CIB4: variants seen among roughly 807,000 people sequenced by gnomAD.
CIB4 encodes the protein calcium and integrin binding family member 4, also known as calcium and integrin-binding family member 4.
Under a neutral mutation model 25.8 loss-of-function variants are expected in CIB4, and 25 were observed. The observed-to-expected ratio is 0.97, with a 90% CI of 0.71 to 1.35. The LOEUF is 1.35. CIB4 is among the 40% of genes most tolerant of loss of function. The probability of loss-of-function intolerance (pLI) is 0.00; values close to 1 mark genes in which losing one functional copy is unlikely to be tolerated. For missense variants in CIB4, 235 were observed against 228.2 expected (o/e 1.03, Z -0.19); for synonymous variants, 75 against 81.4 (o/e 0.92, Z 0.42).
intron 3 of CIB4, chr2:26,605,611 C>G (rs1668873551): frequency 2.1e-6 from 1 of 468,312 alleles, no homozygotes; most frequent in South Asian, 1.6e-5. Flanking sequence ...CCCTTCAGCA[C>G]TAGAGTATCT....
chr2:26,629,468 T>C lies in CIB4; in HGVS notation c.128A>G (p.Lys43Arg). 6.3e-7 allele frequency: 1 copy of C among 1,581,052 alleles called. No homozygotes were observed. The highest frequency in any genetic ancestry group is 1.2e-5 in the South Asian group (1 of 85,942). Residue 43 changes from lysine (K) to arginine (R), a missense_variant, in exon 3 of 7, where the codon AAG (lysine) becomes AGG (arginine). Transcript: ENST00000288861. ...DTFLKLCPPGKYYKEATLTMD... is the reference protein window; with the variant it reads ...DTFLKLCPPGRYYKEATLTMD... The stretch of plus-strand genomic sequence containing the variant: ...GGTGAGCGTTGCCTCCTTGTAGTAC[T>C]TCCCAGGAGGGCAGAGCTTCAGGAA...
At position 26,629,453 on chromosome 2, in the gene CIB4, G is replaced by C; in HGVS notation, c.143C>G (p.Ala48Gly). 6.3e-7 allele frequency: 1 copy of C among 1,582,982 alleles called. No individual in the cohort carries two copies. The highest frequency in any genetic ancestry group is 8.6e-7 in the Non-Finnish European group (1 of 1,164,296). ...GCTGACCTGGTCCATGGTGAGCGTT[G>C]CCTCCTTGTAGTACTTCCCAGGAGG... The part of the protein sequence containing the change: ...LCPPGKYYKE[A>G]TLTMDQVSSL... Residue 48 changes from alanine (A) to glycine (G), a missense_variant, in exon 3 of 7, where the codon GCA (alanine) becomes GGA (glycine). By Grantham distance (60) the Ala-to-Gly change is moderately conservative (BLOSUM62 0). Coordinates refer to ENST00000288861, the MANE Select transcript of CIB4 (RefSeq NM_001029881.3).
intron 4 of CIB4, among the ~76,000 whole-genome samples, chr2:26,585,376 G>C (rs571469429): frequency 6.6e-6 from 1 of 152,038 alleles, no homozygotes; most frequent in African/African-American, 2.4e-5. Context: ...GGCCTGGGTG[G>C]AGAAGCATCA....
chr2:26,593,587 T>C (rs975239170), intron 4 of CIB4, among the ~76,000 whole-genome samples: 5 of 152,216 alleles, frequency 3.3e-5, no homozygotes, highest in Admixed American at 2.0e-4. Context: ...TCAGTCAGTC[T>C]CCATTCTTGA....
At chr2:26,582,269 G>A (rs1668361437) in intron 6 of CIB4, among the ~76,000 whole-genome samples, 1 of 152,208 alleles carries the variant, frequency 6.6e-6, no homozygotes, top group Non-Finnish European at 1.5e-5. Flanking sequence ...GCCTCCAGGG[G>A]GCACGCATCT....
chr2:26,629,015 A>T (rs1406897693), intron 3 of CIB4, among the ~76,000 whole-genome samples: 1 of 152,156 alleles, frequency 6.6e-6, no homozygotes, highest in African/African-American at 2.4e-5. Context: ...GGTGGACTGC[A>T]AGCTGAAGCC....
chr2:26,633,973 T>C (rs755511755), intron 2 of CIB4, among the ~76,000 whole-genome samples: 1 of 152,188 alleles, frequency 6.6e-6, no homozygotes, highest in Non-Finnish European at 1.5e-5. Context: ...GACTCTAGTC[T>C]TTCGTGCCTC....
At chr2:26,616,485 C>T (rs757406746) in intron 3 of CIB4, among the ~76,000 whole-genome samples, 3 of 152,290 alleles carry the variant, frequency 2.0e-5, no homozygotes, top group South Asian at 2.1e-4. Context: ...CCCGCTGGGG[C>T]GTCTGGGCAC....
intron 3 of CIB4, among the ~76,000 whole-genome samples, chr2:26,608,846 AC>A (rs1668943153): frequency 6.6e-6 from 1 of 151,398 alleles, no homozygotes; most frequent in Non-Finnish European, 1.5e-5. Context: ...ATAGCACATC[AC>A]CCCCACCCCG....
chr2:26,636,274 A>T (rs1171052379), intron 2 of CIB4, among the ~76,000 whole-genome samples: 1 of 152,218 alleles, frequency 6.6e-6, no homozygotes, highest in Non-Finnish European at 1.5e-5. Flanking sequence ...GCTCAAGCTG[A>T]GTTCCCTAGT....
At position 26,640,639 on chromosome 2, in the gene CIB4, A is replaced by C. The variant is rs1669618126; in HGVS notation, c.55-72T>G. ...GCTGTGGCCCCTGGGGAGTGGCGCA[A>C]TTCAGAGGCTGGGGAGGAAATGCCC... On this transcript the variant is annotated intron_variant, in intron 1 of 6. Transcript: ENST00000288861. 2.0e-6 allele frequency: 3 copies of C among 1,480,478 alleles called. No individual in the cohort carries two copies. The Admixed American group carries it at 5.6e-5, about 27-fold the overall frequency. The allele number at this position is 1,480,478 out of a possible 1,614,324, so 91.7% of individuals were successfully genotyped here. A position where few individuals can be genotyped will look rare whatever the true frequency, so the allele number is the denominator to read the frequency against.
intron 4 of CIB4, among the ~76,000 whole-genome samples, chr2:26,593,339 TATATATAC>T (rs1208160994): frequency 2.6e-5 from 4 of 151,850 alleles, no homozygotes; most frequent in African/African-American, 4.8e-5. Flanking sequence ...TGTGTGTGTG[TATATATAC>T]ATATATACAT....
At chr2:26,634,522 C>G (rs1157342509) in intron 2 of CIB4, among the ~76,000 whole-genome samples, 1 of 152,228 alleles carries the variant, frequency 6.6e-6, no homozygotes, top group Non-Finnish European at 1.5e-5. Flanking sequence ...ATTTGATCTT[C>G]TGGTTGTCCT....
At chr2:26,589,802 C>A (rs1015150592) in intron 4 of CIB4, among the ~76,000 whole-genome samples, 1 of 152,100 alleles carries the variant, frequency 6.6e-6, no homozygotes. Context: ...CCAAAAATGC[C>A]GGGTGGGGCT....
intron 1 of CIB4, 98 bp downstream of exon 1, chr2:26,641,163 C>T (rs933087127): frequency 1.9e-6 from 2 of 1,031,746 alleles, no homozygotes; most frequent in South Asian, 2.5e-5. Flanking sequence ...AAAAATTGGA[C>T]ACCCCTGCTA....
intron 2 of CIB4, among the ~76,000 whole-genome samples, chr2:26,634,005 C>T (rs952772505): frequency 1.3e-5 from 2 of 152,192 alleles, no homozygotes. Context: ...CCATTTACCC[C>T]CTTGCCTCTG....
intron 3 of CIB4, among the ~76,000 whole-genome samples, 160 bp from the exon 4 acceptor site, chr2:26,595,477 C>T (rs1242415646): frequency 6.6e-6 from 1 of 152,150 alleles, no homozygotes. Flanking sequence ...TGAGCCAGGA[C>T]CCTGGGCATG....
chr2:26,632,241 G>A (rs959756351), intron 2 of CIB4, among the ~76,000 whole-genome samples: 1 of 152,230 alleles, frequency 6.6e-6, no homozygotes, highest in Admixed American at 6.5e-5. Flanking sequence ...GTGGCGTGTG[G>A]TGTTCATGGA....
chr2:26,611,455 G>C (rs1668993713), intron 3 of CIB4, among the ~76,000 whole-genome samples: 1 of 152,122 alleles, frequency 6.6e-6, no homozygotes, highest in Non-Finnish European at 1.5e-5. Flanking sequence ...TCACTGATTT[G>C]GGTTAAGGAT....
Sources: allele counts gnomAD v4.1 joint callset (sites outside exome capture counted in the v4.1 genomes callset), GRCh38; gene constraint gnomAD v4.1.1; transcripts MANE v1.5; gene names NCBI Gene and HGNC (gene_info 2026-07-23, HGNC 2026-07-21).